PLCH2: variants seen among roughly 807,000 people sequenced by gnomAD.
The protein encoded by PLCH2 is 1-phosphatidylinositol 4,5-bisphosphate phosphodiesterase eta-2.
In PLCH2, 98 loss-of-function variants were observed where a neutral mutation model predicts 134.7. The observed-to-expected ratio is 0.73, with a 90% confidence interval of 0.62 to 0.86. PLCH2 has a LOEUF of 0.86. Ranked by LOEUF, PLCH2 falls within the 40% of genes least tolerant of loss-of-function variation. The pLI is 0.00. For missense variants in PLCH2, 1,994 were observed against 1,986.6 expected, an observed-to-expected ratio of 1.00 and a Z score of -0.07; for synonymous variants, 974 against 827.5, an observed-to-expected ratio of 1.18 and a Z score of -3.04.
upstream of PLCH2, among the ~76,000 whole-genome samples, chr1:2,465,585 C>T (rs919346437): frequency 3.9e-5 from 6 of 152,124 alleles, no homozygotes; most frequent in South Asian, 6.2e-4. Flanking sequence ...CGCCGCCTGC[C>T]GCCCGCCACC....
Position 2,444,803 on chromosome 1 carries a change from G to A in PLCH2, c.115+14174G>A, listed in dbSNP as rs1259688081. 3.3e-5 allele frequency among the ~76,000 whole-genome samples: 5 copies of A among 151,966 alleles called. No individual in the cohort carries two copies. Among genetic ancestry groups the A allele is most frequent in the East Asian group, 1.9e-4 (1 of 5,152 alleles). Reference sequence around the variant, plus strand: ...CTTCTCCCTCCAGGAGAATGGACCCGATCGGTGTCCCCTTCGTCCCCTGAC... The same window carrying A: ...CTTCTCCCTCCAGGAGAATGGACCCAATCGGTGTCCCCTTCGTCCCCTGAC... On this transcript the variant is annotated intron_variant, in intron 2 of 3. Transcript: ENST00000609981. This position sits in a 1 kb window ranked among gnomAD's most constrained non-coding sequence, Gnocchi z 4.6.
At chr1:2,447,582 T>G (rs1484406207) in intron 2 of PLCH2, among the ~76,000 whole-genome samples, 1 of 152,172 alleles carries the variant, frequency 6.6e-6, no homozygotes, top group East Asian at 1.9e-4. Flanking sequence ...GACCCTTGAC[T>G]GTGACTGAGC....
intron 20 of PLCH2, 80 bp from the exon 21 acceptor site, chr1:2,502,032 C>T: frequency 2.3e-6 from 3 of 1,288,838 alleles, no homozygotes; most frequent in Non-Finnish European, 3.1e-6. Flanking sequence ...GTGGCACGGT[C>T]TGGAGAGCTG....
At chr1:2,489,072 C>G in intron 8 of PLCH2, 135 bp from the exon 9 acceptor site, 1 of 771,648 alleles carries the variant, frequency 1.3e-6, no homozygotes, top group Non-Finnish European at 2.1e-6. Flanking sequence ...TGCTGGTAAT[C>G]CCAGCTATCC....
At chr1:2,431,222 G>A (rs777268886) in intron 2 of PLCH2, among the ~76,000 whole-genome samples, 3 of 151,834 alleles carry the variant, frequency 2.0e-5, no homozygotes, top group African/African-American at 4.8e-5. Context: ...CTGGGCGGCC[G>A]CTCCCAGGCA....
chr1:2,457,556 C>T (rs190899888), intron 2 of PLCH2, among the ~76,000 whole-genome samples: 120 of 152,268 alleles, frequency 7.9e-4, no homozygotes, highest in Middle Eastern at 3.4e-3. Flanking sequence ...TGTTGCGGGA[C>T]GGGGCCGCAC....
intron 13 of PLCH2, among the ~76,000 whole-genome samples, chr1:2,496,350 G>A (rs1045121168): frequency 9.9e-5 from 15 of 152,270 alleles, no homozygotes; most frequent in African/African-American, 1.7e-4. Flanking sequence ...CACCTGCCAC[G>A]CTTGGCAGGC....
At chr1:2,418,058 G>A in the PLCH2 span, among the ~76,000 whole-genome samples, 211 of 152,338 alleles carry the variant, frequency 1.4e-3, no homozygotes, top group African/African-American at 4.4e-3. Flanking sequence ...ACGCGAACAC[G>A]CAGGCACTCA....
At chr1:2,487,093 C>G (rs1188397093) in intron 6 of PLCH2, 80 bp from the exon 7 acceptor site, 14 of 1,501,918 alleles carry the variant, frequency 9.3e-6, no homozygotes, top group Non-Finnish European at 1.3e-5. Context: ...GTTCTGTGTT[C>G]TGTGTGGCAT....
rs757245188 is a variant in PLCH2, at chr1:2,491,351, G to A, written c.1659+16G>A. ...CGGACGCAAGGTAGAGGCCAAAAAG[G>A]TGACACCCCTGATGCCGACAGGCCC... On this transcript the variant is annotated intron_variant, in intron 11 of 21. Transcript: ENST00000378486. The A allele has an allele frequency of 1.2e-6, 2 of 1,609,716 alleles. No individual in the cohort carries two copies. Among genetic ancestry groups the A allele is most frequent in the Non-Finnish European group, 8.5e-7 (1 of 1,178,220 alleles).
intron 4 of PLCH2, among the ~76,000 whole-genome samples, chr1:2,482,853 C>T (rs1237546912): frequency 6.6e-6 from 1 of 152,202 alleles, no homozygotes; most frequent in Non-Finnish European, 1.5e-5. Context: ...GGCACATCTG[C>T]AGGCCGAGGC....
intron 20 of PLCH2, 128 bp downstream of exon 20, chr1:2,499,848 G>A (rs907435996): frequency 1.9e-5 from 14 of 728,432 alleles, no homozygotes; most frequent in Admixed American, 1.2e-4. Flanking sequence ...TCCCCTCCCC[G>A]GGCCTCTGCT....
intron 2 of PLCH2, among the ~76,000 whole-genome samples, chr1:2,431,506 C>T (rs772530846): frequency 2.6e-5 from 4 of 152,154 alleles, no homozygotes; most frequent in South Asian, 2.1e-4. Flanking sequence ...TGGCTTTCAG[C>T]GCTGTCTGGA....
intron 4 of PLCH2, among the ~76,000 whole-genome samples, chr1:2,480,934 T>G (rs1407897527): frequency 6.6e-6 from 1 of 152,238 alleles, no homozygotes; most frequent in Non-Finnish European, 1.5e-5. Context: ...CCCTGGGGCC[T>G]TGCTGCTTTG....
chr1:2,437,314 G>A (rs1313124332), intron 2 of PLCH2, among the ~76,000 whole-genome samples: 1 of 152,130 alleles, frequency 6.6e-6, no homozygotes, highest in Non-Finnish European at 1.5e-5. Flanking sequence ...ATTCTCTAGG[G>A]TTGCTCCATG....
chr1:2,447,319 G>A (rs1312042581), intron 2 of PLCH2, among the ~76,000 whole-genome samples: 4 of 152,196 alleles, frequency 2.6e-5, no homozygotes. Flanking sequence ...TCTGCCTTCA[G>A]CTCCTTCTCC....
intron 21 of PLCH2, 66 bp from the exon 22 acceptor site, chr1:2,503,855 TC>T: frequency 1.5e-6 from 1 of 655,976 alleles, no homozygotes; most frequent in Admixed American, 2.2e-5. Flanking sequence ...TCCGCCTCTC[TC>T]CCTGCCTCCC....
Position 2,497,568 on chromosome 1 carries a change from G to T in PLCH2, c.2183G>T (p.Gly728Val), listed in dbSNP as rs1370809933. The change falls in exon 16 of 22, where the codon GGT (glycine) becomes GTT (valine). Residue 728 changes from glycine (G) to valine (V), a missense_variant. Around this residue, in one of 2 missense-constraint regions of PLCH2, gnomAD observed 1,094 missense variants for 1,234.3 expected, o/e 0.89. Transcript: ENST00000378486. The part of the protein sequence containing the change: ...QLNRAKFSAN[G>V]GCGYVLKPGC... ...AACCGAGCCAAGTTCAGCGCCAACG[G>T]TGGCTGCGGCTACGTACTCAAGCCT... is the stretch of plus-strand genomic sequence containing the variant. 1 of 1,564,382 alleles carries T rather than the reference G, an allele frequency of 6.4e-7. No homozygotes were observed.
rs149091973 is a variant in PLCH2 at position 2,438,296 on chromosome 1, G to A, written c.115+7667G>A. Among the ~76,000 whole-genome samples the A allele has an allele frequency of 1.3e-4, 20 of 152,356 alleles. No homozygotes were observed. The East Asian group carries it at 2.1e-3, about 16-fold the overall frequency. ...GAAGTGTGCACTGGGCCCGGCTGGC[G>A]TGGGGTAAGAAGAAAGGGCAGGGCC... On this transcript the variant is annotated intron_variant, in intron 2 of 3. Transcript: ENST00000609981.
Sources: gnomAD v4.1 joint callset for allele counts (sites outside exome capture counted in the v4.1 genomes callset) on GRCh38, gnomAD v4.1.1 for gene constraint, gnomAD v4.1.1 regional missense constraint, Gnocchi (gnomAD v3.1) non-coding constraint, MANE v1.5 for transcripts, NCBI Gene and HGNC (gene_info 2026-07-23, HGNC 2026-07-21) for gene names.